The following MXI1 variants were observed in gnomAD, a reference collection of about 807,000 sequenced individuals.
MXI1 encodes MAX interactor 1, dimerization protein.
MXI1 carries 18 observed loss-of-function variants against 36.9 expected under a neutral mutation model. The ratio of observed to expected loss-of-function variants is 0.49; its 90% CI spans 0.34 to 0.72. The LOEUF is 0.72. MXI1 is among the 30% of genes least tolerant of loss of function. MXI1 has a pLI of 0.01. For missense variants in MXI1, 304 were observed against 379.1 expected (o/e 0.80, Z 1.64); for synonymous variants, 160 against 146.7 (o/e 1.09, Z -0.65).
chr10:110,246,755 A>G (rs2134397238), intron 3 of MXI1, among the ~76,000 whole-genome samples: 1 of 152,292 alleles, frequency 6.6e-6, no homozygotes, highest in South Asian at 2.1e-4. Flanking sequence ...GGTCTAGTCA[A>G]AGACATTTTG....
intron 5 of MXI1, among the ~76,000 whole-genome samples, chr10:110,282,190 T>C (rs1050469488): frequency 6.6e-6 from 1 of 152,214 alleles, no homozygotes; most frequent in Non-Finnish European, 1.5e-5. Context: ...TTTGATTATA[T>C]CATGAACTCA....
chr10:110,235,699 A>AT (rs1429043178), intron 2 of MXI1, among the ~76,000 whole-genome samples: 5 of 150,438 alleles, frequency 3.3e-5, no homozygotes, highest in Middle Eastern at 3.3e-3. Context: ...AAAAATAAAT[A>AT]AATAAATAAA....
chr10:110,223,991 CAAAAA>C (rs201838013), intron 1 of MXI1, among the ~76,000 whole-genome samples: 3 of 141,684 alleles, frequency 2.1e-5, no homozygotes, highest in African/African-American at 7.9e-5. Context: ...TTCACTTTAC[CAAAAA>C]AAAAGAAAAG....
chr10:110,228,021 A>G, intron 1 of MXI1, 168 bp from the exon 2 acceptor site: 1 of 688,376 alleles, frequency 1.5e-6, no homozygotes, highest in Non-Finnish European at 2.4e-6. Context: ...GTGTCACAGG[A>G]TTGATGTCCA....
chr10:110,215,046 T>TTTTG (rs1189037408), intron 1 of MXI1, among the ~76,000 whole-genome samples: 1 of 139,662 alleles, frequency 7.2e-6, no homozygotes, highest in Admixed American at 7.4e-5. Context: ...TTTTTTTGTT[T>TTTTG]TTTTTTTTTT....
intron 2 of MXI1, among the ~76,000 whole-genome samples, chr10:110,242,420 T>C (rs1368511685): frequency 6.6e-6 from 1 of 152,014 alleles, no homozygotes; most frequent in Non-Finnish European, 1.5e-5. Flanking sequence ...CCCATCAAAA[T>C]AGGAGTAAAC....
chr10:110,265,973 G>T (rs975196971), intron 3 of MXI1, among the ~76,000 whole-genome samples: 1 of 152,192 alleles, frequency 6.6e-6, no homozygotes, highest in African/African-American at 2.4e-5. Flanking sequence ...AAGTGAACTT[G>T]CAGCTTTTCA....
chr10:110,233,512 A>G (rs564266749), intron 2 of MXI1, among the ~76,000 whole-genome samples: 1 of 152,064 alleles, frequency 6.6e-6, no homozygotes, highest in Admixed American at 6.5e-5. Flanking sequence ...ATTTTTTTCT[A>G]CTATTCTGTG....
intron 3 of MXI1, among the ~76,000 whole-genome samples, chr10:110,275,985 G>A (rs997222340): frequency 4.6e-5 from 7 of 152,098 alleles, no homozygotes; most frequent in African/African-American, 1.2e-4. Context: ...ATCTTTTAGA[G>A]CATTCTGCCT....
intron 2 of MXI1, among the ~76,000 whole-genome samples, chr10:110,244,041 G>A (rs796517495): frequency 8.5e-5 from 13 of 152,070 alleles, no homozygotes; most frequent in African/African-American, 2.7e-4. Flanking sequence ...CTGAGCTTCA[G>A]TATTCTTGAT....
At chr10:110,216,674 T>TG (rs1234864490) in intron 1 of MXI1, among the ~76,000 whole-genome samples, 15 of 93,172 alleles carry the variant, frequency 1.6e-4, no homozygotes, top group South Asian at 4.7e-4. Flanking sequence ...TGTTTTTTTT[T>TG]TTTTTTTTTT....
chr10:110,242,565 T>C (rs1158057189), intron 2 of MXI1, among the ~76,000 whole-genome samples: 1 of 152,032 alleles, frequency 6.6e-6, no homozygotes, highest in Non-Finnish European at 1.5e-5. Flanking sequence ...AAATGTGGCA[T>C]GCATTTCCTG....
At position 110,285,524 on chromosome 10, in the gene MXI1, TA is replaced by T. The variant is rs1554860613; in HGVS notation, c.*538del. The T allele has an allele frequency of 1.9e-5, 2 of 106,636 alleles. No homozygotes were observed. The highest frequency in any genetic ancestry group is 7.8e-5 in the African/African-American group (2 of 25,498). 6.6% of individuals were successfully genotyped at this position (106,636 alleles called of 1,614,324 possible). ...AGCCTGTGGATGATCAATCCTTTAT[TA>T]TTATTTTTTTTTTTTGAAAAAAGCT... On this transcript the variant is annotated 3_prime_UTR_variant, in exon 6 of 6. Transcript: ENST00000332674.
chr10:110,262,354 T>C (rs1856546797), intron 3 of MXI1, among the ~76,000 whole-genome samples: 1 of 152,136 alleles, frequency 6.6e-6, no homozygotes, highest in African/African-American at 2.4e-5. Context: ...CCATTTTATA[T>C]CAGGGACTTC....
At chr10:110,255,562 A>T (rs1278130816) in intron 3 of MXI1, among the ~76,000 whole-genome samples, 2 of 152,206 alleles carry the variant, frequency 1.3e-5, no homozygotes, top group African/African-American at 4.8e-5. Context: ...TTACATGTAC[A>T]ATAGCATCTA....
intron 3 of MXI1, among the ~76,000 whole-genome samples, chr10:110,251,147 A>G (rs1340922809): frequency 6.6e-6 from 1 of 151,274 alleles, no homozygotes; most frequent in East Asian, 1.9e-4. Context: ...GTGTTCCTCC[A>G]CTGTGCAAGG....
chr10:110,215,657 T>C (rs1223425696), intron 1 of MXI1, among the ~76,000 whole-genome samples: 1 of 152,216 alleles, frequency 6.6e-6, no homozygotes, highest in Admixed American at 6.5e-5. Context: ...GCAAAGGTCA[T>C]TGCAACATTC....
At chr10:110,274,687 A>G (rs541205383) in intron 3 of MXI1, among the ~76,000 whole-genome samples, 5 of 152,210 alleles carry the variant, frequency 3.3e-5, no homozygotes, top group Non-Finnish European at 7.4e-5. Context: ...CTGTTTGTCT[A>G]ATGTTCATCA....
chr10:110,264,969 G>T (rs1590390803), intron 3 of MXI1, among the ~76,000 whole-genome samples: 1 of 152,142 alleles, frequency 6.6e-6, no homozygotes, highest in East Asian at 1.9e-4. Flanking sequence ...CCTCGATGGA[G>T]AAATGTTTTC....
Sources: allele counts gnomAD v4.1 joint callset (sites outside exome capture counted in the v4.1 genomes callset), GRCh38; gene constraint gnomAD v4.1.1; transcripts MANE v1.5; gene names NCBI Gene and HGNC (gene_info 2026-07-23, HGNC 2026-07-21).